ZNF221: variants seen among roughly 807,000 people sequenced by gnomAD.
ZNF221 encodes zinc finger protein 221.
Under a neutral mutation model 12.6 loss-of-function variants are expected in ZNF221, and 10 were observed. The ratio of observed to expected loss-of-function variants is 0.79; its 90% CI spans 0.49 to 1.34. The LOEUF is 1.34. ZNF221 is among the 40% of genes most tolerant of loss of function. The pLI is 0.00. For missense variants in ZNF221, 661 were observed against 721.4 expected (o/e 0.92, Z 0.96); for synonymous variants, 232 against 244.0 (o/e 0.95, Z 0.46).
At chr19:43,951,849 C>CTTTTTTTTTTTTTT (rs758081943) in intron 1 of ZNF221, among the ~76,000 whole-genome samples, 2 of 62,552 alleles carry the variant, frequency 3.2e-5, no homozygotes, top group African/African-American at 1.3e-4. Context: ...TCTTTGACCT[C>CTTTTTTTTTTTTTT]TTTTTTTTTT....
rs1974994507 is a variant in ZNF221 at position 43,967,333 on chromosome 19, C to G, written c.1831C>G (p.Leu611Val). 6.2e-7 allele frequency: 1 copy of G among 1,612,160 alleles called. No individual in the cohort carries two copies. The change falls in exon 5 of 5, where the codon CTA (leucine) becomes GTA (valine). Residue 611 changes from leucine to valine, a missense_variant. Physicochemically the swap from Leu to Val is conservative, Grantham distance 32 (BLOSUM62 1). Transcript: ENST00000587682. Reference sequence around the variant, plus strand: ...CACAGCTTCATTTACATCAGTAAGTCTATGTGGGAGAAAAGCCATATAAAT... The same window carrying G: ...CACAGCTTCATTTACATCAGTAAGTGTATGTGGGAGAAAAGCCATATAAAT... ...EFTASFTSVS[L>V]CGRKAI
chr19:43,978,197 A>G, the ZNF221 span, among the ~76,000 whole-genome samples: 3 of 152,192 alleles, frequency 2.0e-5, no homozygotes, highest in Admixed American at 2.0e-4. Flanking sequence ...AAGTGTTCCA[A>G]ATAAGCTGCA....
At position 43,962,556 on chromosome 19, in the gene ZNF221, T is replaced by G. The variant is rs537932573; in HGVS notation, c.-2-169T>G. Among the ~76,000 whole-genome samples, 7 of 152,334 alleles carry G rather than the reference T, an allele frequency of 4.6e-5. No homozygotes were observed. In the South Asian group the frequency reaches 1.5e-3, roughly 32 times the overall value. On this transcript the variant is annotated intron_variant, in intron 1 of 4. Coordinates refer to ENST00000587682, the MANE Select transcript of ZNF221 (RefSeq NM_001297588.2). ...TGTTGTATGGATATGCCATGATTTG[T>G]CTATTCATTTACCCGTAGGAGGGCA...
the ZNF221 span, chr19:43,977,380 G>A: frequency 6.6e-6 from 1 of 152,146 alleles, no homozygotes; most frequent in Non-Finnish European, 1.5e-5. Flanking sequence ...TCATATGACA[G>A]TTCAAAATTA....
rs1974989269 is a variant in ZNF221, at chr19:43,967,179, G to A, written c.1677G>A (p.Glu559=). Residue 559 remains glutamate, a synonymous_variant, in exon 5 of 5, where the codon GAG becomes GAA. Coordinates refer to ENST00000587682, the MANE Select transcript of ZNF221 (RefSeq NM_001297588.2). ...LDMHQRVHGG[E]RPYNCKECGK... is the part of the protein sequence containing the mutation. ...TGCACCAGAGGGTCCACGGGGGAGAGCGACCCTATAATTGTAAGGAATGTG... is the reference window on the plus strand; with the variant it reads ...TGCACCAGAGGGTCCACGGGGGAGAACGACCCTATAATTGTAAGGAATGTG... 1 of 1,593,396 alleles carries A rather than the reference G, an allele frequency of 6.3e-7. No individual in the cohort carries two copies. Among genetic ancestry groups the A allele is most frequent in the African/African-American group, 1.3e-5 (1 of 74,728 alleles).
In ZNF221 at chr19:43,964,974, G is replaced by T. The variant is rs199854287; in HGVS notation, c.106G>T (p.Ala36Ser). 316 of 1,614,164 alleles carry T rather than the reference G, an allele frequency of 2.0e-4. No homozygotes were observed. The highest frequency in any genetic ancestry group is 2.4e-4 in the Non-Finnish European group (287 of 1,180,020). The stretch of plus-strand genomic sequence containing the variant: ...GGAGGCAGTGACATTCAAGGATGTG[G>T]CTGTGGTCTTCACTGAGGAGGAGCT... ...FKEAVTFKDVAVVFTEEELGL... is the reference protein window; with the variant it reads ...FKEAVTFKDVSVVFTEEELGL... The change falls in exon 3 of 5, where the codon GCT becomes TCT. Residue 36 changes from alanine (A) to serine (S), a missense_variant. By Grantham distance (99) the Ala-to-Ser change is moderately conservative. Coordinates refer to ENST00000587682, the MANE Select transcript of ZNF221 (RefSeq NM_001297588.2).
At chr19:43,954,459 C>A (rs1204733729) in intron 1 of ZNF221, among the ~76,000 whole-genome samples, 2 of 152,192 alleles carry the variant, frequency 1.3e-5, no homozygotes, top group Non-Finnish European at 2.9e-5. Flanking sequence ...CCGGTCTAGA[C>A]TGCAGACAGC....
downstream of ZNF221, among the ~76,000 whole-genome samples, chr19:43,970,577 T>C (rs1354725417): frequency 1.3e-5 from 2 of 152,186 alleles, no homozygotes; most frequent in Non-Finnish European, 2.9e-5. Context: ...CATAACTGAC[T>C]TGATGGAGCT....
chr19:43,959,333 T>G (rs192012905), intron 1 of ZNF221, among the ~76,000 whole-genome samples: 2 of 152,286 alleles, frequency 1.3e-5, no homozygotes. Flanking sequence ...TTTTTTCCCT[T>G]AGGGACAGCT....
At chr19:43,979,114 T>G in the ZNF221 span, among the ~76,000 whole-genome samples, 1 of 152,002 alleles carries the variant, frequency 6.6e-6, no homozygotes, top group Admixed American at 6.6e-5. Context: ...AGATAGGAAG[T>G]ATGAATATTT....
At chr19:43,979,132 G>A in the ZNF221 span, among the ~76,000 whole-genome samples, 3 of 151,884 alleles carry the variant, frequency 2.0e-5, no homozygotes, top group African/African-American at 7.3e-5. Flanking sequence ...TTTTGGTAAG[G>A]ATGGTTCAGC....
At chr19:43,970,105 C>CT (rs1478350734), downstream of ZNF221, among the ~76,000 whole-genome samples, 10 of 152,174 alleles carry the variant, frequency 6.6e-5, no homozygotes, top group Non-Finnish European at 1.5e-5. Flanking sequence ...CTGGTGACAC[C>CT]TCCAGGTACG....
chr19:43,963,864 T>G (rs1046554901), intron 2 of ZNF221, among the ~76,000 whole-genome samples: 10 of 152,204 alleles, frequency 6.6e-5, no homozygotes, highest in African/African-American at 2.2e-4. Context: ...CAACCTGCTC[T>G]TAACCATCAT....
downstream of ZNF221, among the ~76,000 whole-genome samples, chr19:43,972,631 C>T (rs1369871040): frequency 6.6e-6 from 1 of 151,804 alleles, no homozygotes; most frequent in Non-Finnish European, 1.5e-5. Flanking sequence ...CCTCTCTGCA[C>T]ATAAACTAGA....
chr19:43,971,599 G>C (rs1036024797), downstream of ZNF221, among the ~76,000 whole-genome samples: 2 of 150,850 alleles, frequency 1.3e-5, no homozygotes, highest in African/African-American at 4.9e-5. Context: ...AAAAGCAGGA[G>C]TCACAATCCT....
chr19:43,978,886 A>C, the ZNF221 span, among the ~76,000 whole-genome samples: 1 of 149,512 alleles, frequency 6.7e-6, no homozygotes, highest in Non-Finnish European at 1.5e-5. Context: ...TCAGTAGGAT[A>C]TCCATTTAAA....
intron 1 of ZNF221, among the ~76,000 whole-genome samples, chr19:43,952,099 T>G (rs1046969129): frequency 2.0e-5 from 3 of 151,638 alleles, no homozygotes; most frequent in African/African-American, 7.3e-5. Flanking sequence ...GGTCTCGATC[T>G]CCTGACCTCG....
intron 1 of ZNF221, among the ~76,000 whole-genome samples, chr19:43,951,849 C>T (rs76447337): frequency 1.6e-4 from 10 of 62,590 alleles, no homozygotes; most frequent in African/African-American, 4.6e-4. Context: ...TCTTTGACCT[C>T]TTTTTTTTTT....
At chr19:43,968,532 A>G (rs1975026374), downstream of ZNF221, among the ~76,000 whole-genome samples, 1 of 152,222 alleles carries the variant, frequency 6.6e-6, no homozygotes, top group Non-Finnish European at 1.5e-5. Context: ...ATATTAAAGG[A>G]TCAAAAGGAG....
Sources: gnomAD v4.1 joint callset for allele counts (sites outside exome capture counted in the v4.1 genomes callset) on GRCh38, gnomAD v4.1.1 for gene constraint, MANE v1.5 for transcripts, NCBI Gene and HGNC (gene_info 2026-07-23, HGNC 2026-07-21) for gene names.